ANK1: variants seen among roughly 807,000 people sequenced by gnomAD.
The protein encoded by ANK1 is ankyrin-1.
ANK1 carries 51 observed loss-of-function variants against 210.4 expected under a neutral mutation model. The observed-to-expected ratio is 0.24, with a 90% CI of 0.19 to 0.31. The LOEUF (loss-of-function observed/expected upper bound fraction) is 0.31, where lower values mean the gene tolerates loss of function less well. Ranked by LOEUF, ANK1 falls within the 10% of genes least tolerant of loss-of-function variation. The probability of loss-of-function intolerance (pLI) is 1.00; values close to 1 mark genes in which losing one functional copy is unlikely to be tolerated. For synonymous variants in ANK1, 967 were observed against 1,025.9 expected (o/e 0.94, Z 1.10); for missense variants, 2,051 against 2,504.4 (o/e 0.82, Z 3.86).
chr8:41,704,195 C>T lies in ANK1; in HGVS notation c.2197-56G>A, dbSNP rs969456570. 6.7e-6 allele frequency: 10 copies of T among 1,488,960 alleles called. No individual in the cohort carries two copies. The African/African-American group carries it at 1.1e-4, about 16-fold the overall frequency. The allele number at this position is 1,488,960 out of a possible 1,614,324, so 92.2% of individuals were successfully genotyped here. ...TAGCCAGCCACTAGACAGAGACCTG[C>T]CTACACATGATAGTGCCTGCCCATC... On this transcript the variant is annotated intron_variant, in intron 19 of 42. Transcript: ENST00000289734. The surrounding 1 kb of genome is among the most constrained non-coding windows in gnomAD (Gnocchi z 4.1).
At position 41,704,472 on chromosome 8, in the gene ANK1, T is replaced by C. The variant is rs1563497110; in HGVS notation, c.2098A>G (p.Met700Val). The change falls in exon 19 of 43, where the codon ATG becomes GTG. Residue 700 changes from methionine to valine, a missense_variant and splice_region_variant. By Grantham distance (21) the Met-to-Val change is conservative. Around this residue, in one of 6 missense-constraint regions of ANK1, gnomAD observed 1,413 missense variants for 1,707.4 expected, o/e 0.83. Coordinates refer to ENST00000289734, the MANE Select transcript of ANK1 (RefSeq NM_000037.4). This position sits in a 1 kb window ranked among gnomAD's most constrained non-coding sequence, Gnocchi z 4.1. ...HGVMVDATTR[M>V]GYTPLHVASH... Reference sequence around the variant, plus strand: ...GCCACATGGAGGGGAGTGTAGCCCATCTGAAAAGCAGATGAGAAGGAGTGA... The same window carrying C: ...GCCACATGGAGGGGAGTGTAGCCCACCTGAAAAGCAGATGAGAAGGAGTGA... 1.2e-6 allele frequency: 2 copies of C among 1,613,574 alleles called. No individual in the cohort carries two copies. Among genetic ancestry groups the C allele is most frequent in the Non-Finnish European group, 1.7e-6 (2 of 1,179,536 alleles).
chr8:41,859,135 G>A (rs1812765935), intron 1 of ANK1, among the ~76,000 whole-genome samples: 2 of 152,212 alleles, frequency 1.3e-5, no homozygotes, highest in East Asian at 1.9e-4. Context: ...GGCCCCCCAC[G>A]GGGTCTCTGA....
upstream of ANK1, among the ~76,000 whole-genome samples, chr8:41,802,029 G>A (rs190104676): frequency 2.0e-5 from 3 of 151,732 alleles, no homozygotes; most frequent in South Asian, 2.1e-4. Flanking sequence ...TTGCTCTGTC[G>A]CCCAGGCTAG....
intron 1 of ANK1, chr8:41,829,308 GA>G (rs1373866782): frequency 4.6e-5 from 7 of 152,306 alleles, no homozygotes; most frequent in Admixed American, 3.9e-4. Context: ...TTCGTCGCTG[GA>G]ACAAAACCCG....
At position 41,781,730 on chromosome 8, in the gene ANK1, G is replaced by A. The variant is rs147809989; in HGVS notation, c.27+15782C>T. Among the ~76,000 whole-genome samples the A allele has an allele frequency of 2.2e-4, 34 of 152,294 alleles. No homozygotes were observed. In the East Asian group the frequency reaches 6.2e-3, roughly 28 times the overall value. ...CCTTCATGGGAAGGGACGGAGCTGAGGGCACAGAGACCAGCAACCAACAGA... is the reference window on the plus strand; with the variant it reads ...CCTTCATGGGAAGGGACGGAGCTGAAGGCACAGAGACCAGCAACCAACAGA... On this transcript the variant is annotated intron_variant, in intron 1 of 42. Coordinates refer to ENST00000289734, the MANE Select transcript of ANK1 (RefSeq NM_000037.4).
chr8:41,718,338 C>T (rs773098188), intron 10 of ANK1, 134 bp from the exon 11 acceptor site: 43 of 743,952 alleles, frequency 5.8e-5, no homozygotes, highest in East Asian at 2.7e-4. Context: ...GACCAATCAA[C>T]GAATTAATGC....
At chr8:41,853,962 C>T (rs1811736406) in intron 1 of ANK1, among the ~76,000 whole-genome samples, 2 of 152,172 alleles carry the variant, frequency 1.3e-5, no homozygotes, top group Admixed American at 6.5e-5. Flanking sequence ...TGAAGAACTA[C>T]TCCGCTCAAT....
intron 1 of ANK1, among the ~76,000 whole-genome samples, chr8:41,808,597 G>A (rs573548192): frequency 1.3e-5 from 2 of 152,110 alleles, no homozygotes; most frequent in South Asian, 2.1e-4. Context: ...CCCAGGAGGC[G>A]GAGGTTGCAG....
chr8:41,663,120 G>C (rs981224739), intron 40 of ANK1, among the ~76,000 whole-genome samples: 9 of 111,054 alleles, frequency 8.1e-5, no homozygotes, highest in East Asian at 3.3e-4. Context: ...CTCTCTGTGT[G>C]TGTGTGTGTG....
At chr8:41,754,737 C>T (rs6981979) in intron 2 of ANK1, among the ~76,000 whole-genome samples, 76,335 of 152,050 alleles carry the variant, frequency 0.5, 20,040 homozygotes, top group Middle Eastern at 0.64. Context: ...TGGGTGCATT[C>T]GTGGGTTTCA....
At chr8:41,744,610 C>G (rs935732590) in intron 2 of ANK1, among the ~76,000 whole-genome samples, 8 of 150,072 alleles carry the variant, frequency 5.3e-5, no homozygotes, top group Admixed American at 4.7e-4. Flanking sequence ...AATCTCGGCT[C>G]ACTGCAAGCT....
intron 1 of ANK1, among the ~76,000 whole-genome samples, chr8:41,843,841 G>A (rs1443605798): frequency 4.6e-5 from 7 of 152,184 alleles, no homozygotes; most frequent in Non-Finnish European, 8.8e-5. Flanking sequence ...AGGTCGGGAA[G>A]GGTCTCCATA....
Position 41,797,436 on chromosome 8 carries a change from T to C in ANK1, c.27+76A>G. ...GTGTGCAAAGCTGCTCTTGCTCGCGTGCTGCCTACTGGCGCGGCCTGGGTG... is the reference window on the plus strand; with the variant it reads ...GTGTGCAAAGCTGCTCTTGCTCGCGCGCTGCCTACTGGCGCGGCCTGGGTG... On this transcript the variant is annotated intron_variant, in intron 1 of 42. Transcript: ENST00000289734. The surrounding 1 kb of genome is among the most constrained non-coding windows in gnomAD (Gnocchi z 4.0). The C allele has an allele frequency of 7.3e-7, 1 of 1,373,436 alleles. No individual in the cohort carries two copies. The highest frequency in any genetic ancestry group is 1.2e-5 in the South Asian group (1 of 80,982). The allele number at this position is 1,373,436 out of a possible 1,614,324, so 85.1% of individuals were successfully genotyped here. A position where few individuals can be genotyped will look rare whatever the true frequency, so the allele number is the denominator to read the frequency against.
At position 41,688,187 on chromosome 8, in the gene ANK1, A is replaced by C; in HGVS notation, c.4227T>G (p.Val1409=). The change falls in exon 35 of 43, where the codon GTT becomes GTG. Residue 1409 remains valine (V), a synonymous_variant. Coordinates refer to ENST00000289734, the MANE Select transcript of ANK1 (RefSeq NM_000037.4). The part of the protein sequence containing the change: ...GTEQAEMKMA[V]ISEHLGLSWA... ...AGCTGAGACCGAGGTGCTCTGAGAT[A>C]ACAGCCATCTTCATCTCTGCCTGCT... 3 of 1,614,246 alleles carry C rather than the reference A, an allele frequency of 1.9e-6. No individual in the cohort carries two copies. The highest frequency in any genetic ancestry group is 2.5e-6 in the Non-Finnish European group (3 of 1,180,052).
intron 14 of ANK1, 58 bp downstream of exon 14, chr8:41,715,594 T>C: frequency 6.3e-7 from 1 of 1,599,718 alleles, no homozygotes; most frequent in South Asian, 1.1e-5. Context: ...CCCTCCGAGC[T>C]CCAGGCCTGG....
intron 41 of ANK1, 116 bp downstream of exon 41, chr8:41,661,760 T>C (rs1808306809): frequency 5.0e-6 from 8 of 1,610,938 alleles, no homozygotes; most frequent in Non-Finnish European, 6.8e-6. Flanking sequence ...AAGGCAGCAG[T>C]GATGGCGCTG....
At chr8:41,836,875 G>A (rs1218642755) in intron 1 of ANK1, among the ~76,000 whole-genome samples, 1 of 150,664 alleles carries the variant, frequency 6.6e-6, no homozygotes, top group Non-Finnish European at 1.5e-5. Flanking sequence ...AGCTATGATT[G>A]CACCACTGCA....
At chr8:41,864,476 T>A (rs1482598634) in intron 1 of ANK1, among the ~76,000 whole-genome samples, 2 of 152,132 alleles carry the variant, frequency 1.3e-5, no homozygotes, top group Non-Finnish European at 2.9e-5. Context: ...GGCCGCGTGC[T>A]GAGTCCTCCC....
intron 1 of ANK1, among the ~76,000 whole-genome samples, chr8:41,808,020 G>A (rs1292225291): frequency 2.0e-5 from 3 of 151,976 alleles, no homozygotes; most frequent in Non-Finnish European, 4.4e-5. Context: ...AGGAAGAGAA[G>A]GACTCCTTCT....
Sources: gnomAD v4.1 joint callset for allele counts (sites outside exome capture counted in the v4.1 genomes callset) on GRCh38, gnomAD v4.1.1 for gene constraint, gnomAD v4.1.1 regional missense constraint, Gnocchi (gnomAD v3.1) non-coding constraint, MANE v1.5 for transcripts, NCBI Gene and HGNC (gene_info 2026-07-23, HGNC 2026-07-21) for gene names.